Variants in TMX3 observed in about 807,000 individuals in gnomAD.
TMX3 encodes thioredoxin related transmembrane protein 3.
Under a neutral mutation model 64.4 loss-of-function variants are expected in TMX3, and 40 were observed. The observed-to-expected ratio is 0.62, with a 90% CI of 0.48 to 0.81. The LOEUF (loss-of-function observed/expected upper bound fraction) is 0.81. Ranked by LOEUF, TMX3 falls within the 30% of genes least tolerant of loss-of-function variation. TMX3 has a pLI of 0.00. For synonymous variants in TMX3, 189 were observed against 175.7 expected, an observed-to-expected ratio of 1.08 and a Z score of -0.60; for missense variants, 497 against 534.5, an observed-to-expected ratio of 0.93 and a Z score of 0.69.
Position 68,675,649 on chromosome 18 carries a change from AATC to A in TMX3, c.*1281_*1283del, listed in dbSNP as rs1912867639. 6.6e-6 allele frequency: 1 copy of A among 152,204 alleles called. No homozygotes were observed. The highest frequency in any genetic ancestry group is 1.5e-5 in the Non-Finnish European group (1 of 68,028). 9.4% of individuals were successfully genotyped at this position (152,204 alleles called of 1,614,324 possible). On this transcript the variant is annotated 3_prime_UTR_variant, in exon 16 of 16. Transcript: ENST00000299608. The stretch of plus-strand genomic sequence containing the variant: ...AAATTACTCAATGAATAACCACTCA[AATC>A]ATAGTTGCCTAATATAAATTCTAAA...
At chr18:68,705,892 T>G (rs906268279) in intron 4 of TMX3, among the ~76,000 whole-genome samples, 2 of 152,214 alleles carry the variant, frequency 1.3e-5, no homozygotes, top group Non-Finnish European at 2.9e-5. Flanking sequence ...GGCATTTGCT[T>G]CCAACCACTG....
intron 4 of TMX3, chr18:68,706,301 C>T (rs556017752): frequency 3.4e-4 from 52 of 152,416 alleles, no homozygotes; most frequent in African/African-American, 1.0e-3. Flanking sequence ...ATCCCAGCTA[C>T]TCGAGAGGCT....
intron 4 of TMX3, among the ~76,000 whole-genome samples, chr18:68,708,601 T>TA (rs1227969349): frequency 6.6e-6 from 1 of 152,146 alleles, no homozygotes; most frequent in Non-Finnish European, 1.5e-5. Flanking sequence ...CCAGGATATA[T>TA]ACACAAGGCT....
intron 10 of TMX3, among the ~76,000 whole-genome samples, chr18:68,685,326 TTCAG>T (rs746726276): frequency 4.6e-5 from 7 of 152,210 alleles, no homozygotes; most frequent in Non-Finnish European, 1.0e-4. Context: ...TCCATAATCT[TTCAG>T]TATTATCCCT....
In TMX3 at chr18:68,674,832, CAAAT is replaced by C. The variant is rs1214895134; in HGVS notation, c.*2097_*2100del. ...TCCCAACAGACACACTTTAAAAGCACAAATAGAATATAAGGCAAACAGTACAAAG... is the reference window on the plus strand; with the variant it reads ...TCCCAACAGACACACTTTAAAAGCACAGAATATAAGGCAAACAGTACAAAG... On this transcript the variant is annotated 3_prime_UTR_variant, in exon 16 of 16. Coordinates refer to ENST00000299608, the MANE Select transcript of TMX3 (RefSeq NM_019022.5). 2.0e-5 allele frequency: 3 copies of C among 151,980 alleles called. No individual in the cohort carries two copies. Among genetic ancestry groups the C allele is most frequent in the Admixed American group, 1.3e-4 (2 of 15,272 alleles). The allele number at this position is 151,980 out of a possible 1,614,324, so 9.4% of individuals were successfully genotyped here. A position where few individuals can be genotyped will look rare whatever the true frequency, so the allele number is the denominator to read the frequency against.
In TMX3 at chr18:68,712,501, G is replaced by T. The variant is rs139095266; in HGVS notation, c.102-1098C>A. 5.3e-3 allele frequency among the ~76,000 whole-genome samples: 814 copies of T among 152,212 alleles called. 4 individuals are homozygous for T. The highest frequency in any genetic ancestry group is 0.011 in the South Asian group (52 of 4,824). On this transcript the variant is annotated intron_variant, in intron 2 of 15. Coordinates refer to ENST00000299608, the MANE Select transcript of TMX3 (RefSeq NM_019022.5). ...TGGTTGCACATCTGCTTGCTCTGGA[G>T]CAAGGAACAATTCATTTTCCACATT...
chr18:68,693,692 C>T (rs1447085406), intron 8 of TMX3, among the ~76,000 whole-genome samples: 4 of 152,152 alleles, frequency 2.6e-5, no homozygotes, highest in East Asian at 1.9e-4. Flanking sequence ...GTGCCATAGA[C>T]GGTATGATGA....
At chr18:68,703,700 G>T (rs2145111768) in intron 4 of TMX3, among the ~76,000 whole-genome samples, 1 of 152,288 alleles carries the variant, frequency 6.6e-6, no homozygotes, top group African/African-American at 2.4e-5. Context: ...GGAGGCTGAG[G>T]CCAGTGGATC....
At chr18:68,681,931 T>C (rs1271090166) in intron 13 of TMX3, among the ~76,000 whole-genome samples, 2 of 152,206 alleles carry the variant, frequency 1.3e-5, no homozygotes, top group Non-Finnish European at 2.9e-5. Context: ...ATGTTCTGCC[T>C]GAAATACTAT....
chr18:68,697,761 C>G, intron 7 of TMX3, 171 bp downstream of exon 7: 1 of 518,244 alleles, frequency 1.9e-6, no homozygotes, highest in South Asian at 3.3e-5. Flanking sequence ...TATAGGAAAA[C>G]ATGACAGAAG....
chr18:68,682,896 A>G, intron 13 of TMX3, 29 bp downstream of exon 13: 1 of 1,574,652 alleles, frequency 6.4e-7, no homozygotes, highest in Non-Finnish European at 8.6e-7. Context: ...AATAGATTTG[A>G]CAGCAAAATC....
chr18:68,703,744 C>G (rs1431696036), intron 4 of TMX3, among the ~76,000 whole-genome samples: 2 of 152,102 alleles, frequency 1.3e-5, no homozygotes, highest in Admixed American at 6.5e-5. Context: ...TCCTGGCTAA[C>G]ATGGTGAAAC....
At chr18:68,709,903 ATTAAG>A (rs767217625) in intron 4 of TMX3, 113 bp downstream of exon 4, 10 of 917,488 alleles carry the variant, frequency 1.1e-5, no homozygotes, top group Middle Eastern at 2.7e-4. Context: ...GTCTTAAATT[ATTAAG>A]TTAATTGAAT....
At chr18:68,713,801 T>G (rs190621054) in intron 2 of TMX3, 45 bp downstream of exon 2, 354 of 973,554 alleles carry the variant, frequency 3.6e-4, no homozygotes, top group Admixed American at 1.5e-3. Context: ...GATATCTGAG[T>G]TGGACAGTTA....
chr18:68,677,328 T>A (rs1032314090), intron 15 of TMX3, 135 bp from the exon 16 acceptor site: 1 of 905,538 alleles, frequency 1.1e-6, no homozygotes, highest in Non-Finnish European at 1.6e-6. Flanking sequence ...ATCAATCATT[T>A]CAGCAGTAAC....
chr18:68,699,639 G>A (rs539236963), intron 6 of TMX3, among the ~76,000 whole-genome samples: 3 of 152,142 alleles, frequency 2.0e-5, no homozygotes, highest in Admixed American at 2.0e-4. Flanking sequence ...AAACTCATAA[G>A]TGCCTATACT....
chr18:68,677,595 T>C (rs1214784653), intron 15 of TMX3, among the ~76,000 whole-genome samples: 2 of 152,162 alleles, frequency 1.3e-5, no homozygotes, highest in Non-Finnish European at 1.5e-5. Context: ...ACAAAGAAGG[T>C]ACACACATAC....
chr18:68,681,956 T>C (rs1164844198), intron 13 of TMX3, among the ~76,000 whole-genome samples: 1 of 152,220 alleles, frequency 6.6e-6, no homozygotes, highest in African/African-American at 2.4e-5. Context: ...GTGTTCTTCA[T>C]TCAGCTAACT....
intron 4 of TMX3, among the ~76,000 whole-genome samples, chr18:68,705,231 C>T (rs914683376): frequency 6.6e-6 from 1 of 152,094 alleles, no homozygotes; most frequent in Non-Finnish European, 1.5e-5. Flanking sequence ...CAACTCCCAA[C>T]AATAACCCCA....
Sources: gnomAD v4.1 joint callset for allele counts (sites outside exome capture counted in the v4.1 genomes callset) on GRCh38, gnomAD v4.1.1 for gene constraint, MANE v1.5 for transcripts, NCBI Gene and HGNC (gene_info 2026-07-23, HGNC 2026-07-21) for gene names.